Variants in ROBO2 observed in about 807,000 individuals in gnomAD.
ROBO2 encodes the protein roundabout guidance receptor 2.
ROBO2 carries 53 observed loss-of-function variants against 160.8 expected under a neutral mutation model. The ratio of observed to expected loss-of-function variants is 0.33; its 90% CI spans 0.26 to 0.41. ROBO2 has a LOEUF of 0.41. ROBO2 is among the 10% of genes least tolerant of loss of function. The pLI is 1.00. For missense variants in ROBO2, 1,577 were observed against 1,722.4 expected (o/e 0.92, Z 1.49); for synonymous variants, 664 against 611.7 (o/e 1.09, Z -1.26).
At chr3:76,019,707 C>T (rs1029087503) in intron 2 of ROBO2, among the ~76,000 whole-genome samples, 3 of 151,346 alleles carry the variant, frequency 2.0e-5, no homozygotes, top group African/African-American at 7.3e-5. Context: ...GGCCTCCCAA[C>T]ATGGTTAGGT....
intron 2 of ROBO2, among the ~76,000 whole-genome samples, chr3:77,196,564 A>G (rs1416978748): frequency 6.6e-6 from 1 of 152,078 alleles, no homozygotes; most frequent in Non-Finnish European, 1.5e-5. Flanking sequence ...ATACTTTTTA[A>G]AACCTAATTA....
intron 2 of ROBO2, among the ~76,000 whole-genome samples, chr3:77,449,111 G>A (rs930698977): frequency 1.3e-5 from 2 of 151,944 alleles, no homozygotes; most frequent in Admixed American, 6.6e-5. Flanking sequence ...ATGAAAAGGT[G>A]TAAAAATCAT....
intron 2 of ROBO2, among the ~76,000 whole-genome samples, chr3:77,023,487 A>G (rs145490512): frequency 2.0e-5 from 3 of 152,380 alleles, no homozygotes; most frequent in African/African-American, 7.2e-5. Flanking sequence ...AAATAAAATC[A>G]TAAAAGTCAA....
intron 2 of ROBO2, among the ~76,000 whole-genome samples, chr3:76,049,403 A>ATATATATATATATATTTTTT (rs1414664360): frequency 1.9e-5 from 1 of 53,762 alleles, no homozygotes; most frequent in African/African-American, 1.5e-4. Context: ...ATATATATAT[A>ATATATATATATATATTTTTT]TTTTTTTTTT....
intron 2 of ROBO2, among the ~76,000 whole-genome samples, chr3:76,381,459 C>G (rs1055595467): frequency 1.6e-4 from 25 of 152,186 alleles, no homozygotes; most frequent in African/African-American, 5.8e-4. Flanking sequence ...AAGCGATTCT[C>G]CTGCCTCAGC....
chr3:77,296,744 T>C (rs571440309), intron 2 of ROBO2, among the ~76,000 whole-genome samples: 108 of 152,224 alleles, frequency 7.1e-4, no homozygotes, highest in Non-Finnish European at 1.4e-3. Context: ...GCTGAAAGGT[T>C]ACTTGCTGCT....
At chr3:76,738,717 G>A (rs538945898) in intron 2 of ROBO2, among the ~76,000 whole-genome samples, 60 of 152,288 alleles carry the variant, frequency 3.9e-4, no homozygotes, top group African/African-American at 1.3e-3. Flanking sequence ...ATGGCCGAGT[G>A]AATGAGAAGC....
chr3:77,164,075 T>C (rs1005679994), intron 2 of ROBO2, among the ~76,000 whole-genome samples: 1 of 152,166 alleles, frequency 6.6e-6, no homozygotes, highest in African/African-American at 2.4e-5. Flanking sequence ...GCTACATGAA[T>C]GTTGATACTC....
At chr3:76,695,077 C>G (rs2107317075) in intron 2 of ROBO2, among the ~76,000 whole-genome samples, 1 of 152,268 alleles carries the variant, frequency 6.6e-6, no homozygotes, top group East Asian at 1.9e-4. Flanking sequence ...GCACTCCAGC[C>G]TGGGCGATGG....
At chr3:77,438,103 T>A (rs2079497949) in intron 2 of ROBO2, among the ~76,000 whole-genome samples, 3 of 151,946 alleles carry the variant, frequency 2.0e-5, no homozygotes, top group Admixed American at 2.0e-4. Context: ...AGATACAAAC[T>A]TTTCAACCTA....
intron 2 of ROBO2, among the ~76,000 whole-genome samples, chr3:77,401,283 G>T (rs565984135): frequency 6.7e-6 from 1 of 149,464 alleles, no homozygotes; most frequent in East Asian, 2.0e-4. Flanking sequence ...AAAACTCAAA[G>T]AGGGGATTTC....
chr3:77,507,300 C>T (rs554033981), intron 5 of ROBO2, among the ~76,000 whole-genome samples: 2 of 152,296 alleles, frequency 1.3e-5, no homozygotes, highest in Admixed American at 6.5e-5. Context: ...GAACATCCCT[C>T]TGATAATGTA....
intron 2 of ROBO2, among the ~76,000 whole-genome samples, chr3:77,326,653 G>C (rs192150286): frequency 1.3e-5 from 2 of 152,202 alleles, no homozygotes; most frequent in East Asian, 3.9e-4. Context: ...AATCACAAAG[G>C]TCTGGGGGAA....
At chr3:76,272,998 T>A (rs1449239637) in intron 2 of ROBO2, among the ~76,000 whole-genome samples, 1 of 88,302 alleles carries the variant, frequency 1.1e-5, no homozygotes, top group African/African-American at 4.8e-5. Flanking sequence ...AATATATAAT[T>A]TATATATAAA....
intron 2 of ROBO2, among the ~76,000 whole-genome samples, chr3:76,015,083 C>T (rs1207349140): frequency 6.6e-6 from 1 of 152,160 alleles, no homozygotes; most frequent in Non-Finnish European, 1.5e-5. Context: ...CAGTCTTCGG[C>T]TCCTTTTCCT....
At chr3:77,270,350 T>G (rs1016270366) in intron 2 of ROBO2, among the ~76,000 whole-genome samples, 2 of 152,194 alleles carry the variant, frequency 1.3e-5, no homozygotes, top group Non-Finnish European at 2.9e-5. Context: ...GAAAACTCTG[T>G]GTATATACAT....
chr3:77,594,294 G>A (rs150103801), intron 17 of ROBO2, among the ~76,000 whole-genome samples: 1 of 152,162 alleles, frequency 6.6e-6, no homozygotes, highest in Non-Finnish European at 1.5e-5. Context: ...TCATTCTGGA[G>A]TCCAGATCCA....
chr3:76,043,224 T>G (rs2067332841), intron 2 of ROBO2, among the ~76,000 whole-genome samples: 1 of 150,862 alleles, frequency 6.6e-6, no homozygotes, highest in African/African-American at 2.5e-5. Context: ...ATCCCTTACG[T>G]GTAAGAACAT....
chr3:77,210,162 A>G (rs780888640), intron 2 of ROBO2, among the ~76,000 whole-genome samples: 1 of 151,068 alleles, frequency 6.6e-6, no homozygotes, highest in Non-Finnish European at 1.5e-5. Flanking sequence ...AAATATCTCA[A>G]TTTTCCTTCT....
Sources: allele counts gnomAD v4.1 joint callset (sites outside exome capture counted in the v4.1 genomes callset), GRCh38; gene constraint gnomAD v4.1.1; transcripts MANE v1.5; gene names NCBI Gene and HGNC (gene_info 2026-07-23, HGNC 2026-07-21).